The following KCNK13 variants were observed in gnomAD, a reference collection of about 807,000 sequenced individuals.
KCNK13 encodes potassium two pore domain channel subfamily K member 13, also known as potassium channel subfamily K member 13.
Under a neutral mutation model 23.4 loss-of-function variants are expected in KCNK13, and 12 were observed. The observed-to-expected ratio is 0.51, with a 90% CI of 0.33 to 0.83. KCNK13 has a LOEUF of 0.83. KCNK13 is among the 40% of genes least tolerant of loss of function. The pLI, the probability that KCNK13 is intolerant of heterozygous loss-of-function variation, is 0.02. For missense variants in KCNK13, 463 were observed against 556.3 expected (o/e 0.83, Z 1.69); for synonymous variants, 231 against 229.5 (o/e 1.01, Z -0.06).
chr14:90,071,727 T>C (rs544037877), intron 1 of KCNK13, among the ~76,000 whole-genome samples: 1 of 152,026 alleles, frequency 6.6e-6, no homozygotes, highest in Non-Finnish European at 1.5e-5. Context: ...TGAAACCCTG[T>C]CTCTACTAAA....
At chr14:90,152,220 T>C (rs1890141359) in intron 1 of KCNK13, among the ~76,000 whole-genome samples, 1 of 152,156 alleles carries the variant, frequency 6.6e-6, no homozygotes, top group Admixed American at 6.5e-5. Context: ...CTGCACACAT[T>C]CTCTTGCCCG....
chr14:90,077,013 G>A (rs2140392481), intron 1 of KCNK13, among the ~76,000 whole-genome samples: 1 of 150,792 alleles, frequency 6.6e-6, no homozygotes, highest in Non-Finnish European at 1.5e-5. Flanking sequence ...TAGAGACGGG[G>A]TTTCACCATG....
chr14:90,176,427 CCT>C (rs1890422580), intron 1 of KCNK13, among the ~76,000 whole-genome samples: 2 of 152,182 alleles, frequency 1.3e-5, no homozygotes. Flanking sequence ...CCATCCCCCA[CCT>C]CACCCCTCAA....
At chr14:90,091,710 G>A (rs1318379018) in intron 1 of KCNK13, among the ~76,000 whole-genome samples, 2 of 150,016 alleles carry the variant, frequency 1.3e-5, no homozygotes, top group East Asian at 2.0e-4. Flanking sequence ...TTCTCGGTGG[G>A]GTAGAGTGCT....
chr14:90,113,415 C>T (rs529166974), intron 1 of KCNK13, among the ~76,000 whole-genome samples: 55 of 152,158 alleles, frequency 3.6e-4, no homozygotes, highest in African/African-American at 1.3e-3. Context: ...TTTAAAGCAC[C>T]AATTGAATCA....
chr14:90,113,195 C>T (rs917243267), intron 1 of KCNK13, among the ~76,000 whole-genome samples: 8 of 152,042 alleles, frequency 5.3e-5, no homozygotes, highest in African/African-American at 1.4e-4. Flanking sequence ...GCTAGGATTA[C>T]AGGCATGAGC....
chr14:90,183,414 CCACCACCA>C (rs775440750), intron 1 of KCNK13, among the ~76,000 whole-genome samples: 39 of 151,988 alleles, frequency 2.6e-4, no homozygotes, highest in Non-Finnish European at 2.2e-4. Flanking sequence ...CTCCATCCCA[CCACCACCA>C]CACACATACA....
At position 90,062,616 on chromosome 14, in the gene KCNK13, A is replaced by G; in HGVS notation, c.334+77A>G. On this transcript the variant is annotated intron_variant, in intron 1 of 1. Coordinates refer to ENST00000282146, the MANE Select transcript of KCNK13 (RefSeq NM_022054.4). This position sits in a 1 kb window ranked among gnomAD's most constrained non-coding sequence, Gnocchi z 4.5. ...TCCGGGGGGCAGGACCGACCCTCTC[A>G]TCCTTTCATTCATCCATCTGGGCGC... 1.7e-6 allele frequency: 2 copies of G among 1,144,782 alleles called. No homozygotes were observed. The highest frequency in any genetic ancestry group is 2.4e-6 in the Non-Finnish European group (2 of 841,224). The allele number at this position is 1,144,782 out of a possible 1,614,324, so 70.9% of individuals were successfully genotyped here.
At chr14:90,097,753 G>A (rs1328384886) in intron 1 of KCNK13, among the ~76,000 whole-genome samples, 1 of 152,038 alleles carries the variant, frequency 6.6e-6, no homozygotes, top group Non-Finnish European at 1.5e-5. Flanking sequence ...ATTAAACCAT[G>A]CACAACACGC....
chr14:90,147,486 T>A (rs929294351), intron 1 of KCNK13, among the ~76,000 whole-genome samples: 1 of 152,142 alleles, frequency 6.6e-6, no homozygotes, highest in Non-Finnish European at 1.5e-5. Context: ...TTGTGTACAC[T>A]TAATATTTGA....
intron 1 of KCNK13, among the ~76,000 whole-genome samples, chr14:90,110,027 C>T (rs1235181900): frequency 4.6e-5 from 7 of 152,026 alleles, no homozygotes; most frequent in Non-Finnish European, 1.0e-4. Flanking sequence ...ATTTAATGTG[C>T]TGGACATGTA....
intron 1 of KCNK13, among the ~76,000 whole-genome samples, chr14:90,090,664 A>G (rs1280155331): frequency 6.6e-6 from 1 of 152,190 alleles, no homozygotes; most frequent in Non-Finnish European, 1.5e-5. Context: ...CCCAAATCTC[A>G]TCTCGAATTG....
At chr14:90,182,839 A>AG (rs1246839573) in intron 1 of KCNK13, among the ~76,000 whole-genome samples, 1 of 151,620 alleles carries the variant, frequency 6.6e-6, no homozygotes, top group African/African-American at 2.4e-5. Context: ...AAAAAAAAAA[A>AG]AGAGAGAGGT....
intron 1 of KCNK13, among the ~76,000 whole-genome samples, chr14:90,162,051 G>A (rs893489901): frequency 9.2e-5 from 14 of 152,092 alleles, no homozygotes; most frequent in South Asian, 4.1e-4. Flanking sequence ...GTGGCAGTGC[G>A]CACCTGTGGT....
chr14:90,167,616 A>C (rs1294830492), intron 1 of KCNK13, among the ~76,000 whole-genome samples: 1 of 152,176 alleles, frequency 6.6e-6, no homozygotes, highest in Admixed American at 6.5e-5. Context: ...AAGGTGCCAC[A>C]CTAGAAAACA....
chr14:90,063,525 C>G (rs1888970984), intron 1 of KCNK13, among the ~76,000 whole-genome samples: 1 of 152,050 alleles, frequency 6.6e-6, no homozygotes, highest in Non-Finnish European at 1.5e-5. Context: ...CAAAAAGAGA[C>G]CTGGAGCAGG....
chr14:90,081,812 C>T (rs945408999), intron 1 of KCNK13, among the ~76,000 whole-genome samples: 2 of 152,044 alleles, frequency 1.3e-5, no homozygotes, highest in South Asian at 2.1e-4. Flanking sequence ...TGGGAGGTGG[C>T]GCCTTGAAGG....
At chr14:90,180,618 A>G (rs989492863) in intron 1 of KCNK13, among the ~76,000 whole-genome samples, 5 of 152,202 alleles carry the variant, frequency 3.3e-5, no homozygotes, top group Non-Finnish European at 5.9e-5. Context: ...TCCCTCCTTT[A>G]ACAAAATTGA....
intron 1 of KCNK13, among the ~76,000 whole-genome samples, chr14:90,111,192 T>C (rs1339545879): frequency 1.3e-5 from 2 of 152,180 alleles, no homozygotes; most frequent in Admixed American, 1.3e-4. Context: ...AACAAAGCTC[T>C]AGTTCTCCGT....
Sources: allele counts gnomAD v4.1 joint callset (sites outside exome capture counted in the v4.1 genomes callset), GRCh38; gene constraint gnomAD v4.1.1; non-coding constraint Gnocchi (gnomAD v3.1); transcripts MANE v1.5; gene names NCBI Gene and HGNC (gene_info 2026-07-23, HGNC 2026-07-21).